KCNQ5: variants seen among roughly 807,000 people sequenced by gnomAD.
KCNQ5 encodes potassium voltage-gated channel subfamily KQT member 5.
KCNQ5 carries 30 observed loss-of-function variants against 98.2 expected under a neutral mutation model. The ratio of observed to expected loss-of-function variants is 0.31; its 90% CI spans 0.23 to 0.41. The LOEUF is 0.41. Ranked by LOEUF, KCNQ5 falls within the 10% of genes least tolerant of loss-of-function variation. The pLI is 1.00. For synonymous variants in KCNQ5, 458 were observed against 449.4 expected (o/e 1.02, Z -0.24); for missense variants, 835 against 1,182.5 (o/e 0.71, Z 4.31).
At chr6:72,845,531 A>T (rs990993990) in intron 1 of KCNQ5, among the ~76,000 whole-genome samples, 21 of 152,222 alleles carry the variant, frequency 1.4e-4, no homozygotes, top group African/African-American at 4.8e-4. Context: ...TGATTATTAT[A>T]TTTTAAACAC....
chr6:72,703,910 GAA>G (rs780563907), intron 1 of KCNQ5, among the ~76,000 whole-genome samples: 30 of 152,120 alleles, frequency 2.0e-4, no homozygotes, highest in Non-Finnish European at 4.0e-4. Flanking sequence ...TTTAGAAAGG[GAA>G]AATTCATTAA....
chr6:73,174,569 T>G (rs1582487700), intron 11 of KCNQ5, among the ~76,000 whole-genome samples: 1 of 152,152 alleles, frequency 6.6e-6, no homozygotes, highest in African/African-American at 2.4e-5. Context: ...GGGTGAAAAC[T>G]CAAAGAAGTC....
intron 1 of KCNQ5, among the ~76,000 whole-genome samples, chr6:72,772,818 A>T (rs1438952604): frequency 1.9e-4 from 29 of 152,194 alleles, no homozygotes; most frequent in Admixed American, 1.8e-3. Flanking sequence ...ACTTGCAAAC[A>T]TTGAGAAATG....
chr6:72,769,111 G>C (rs977221217), intron 1 of KCNQ5, among the ~76,000 whole-genome samples: 1 of 152,052 alleles, frequency 6.6e-6, no homozygotes, highest in Non-Finnish European at 1.5e-5. Flanking sequence ...GCAATGATCA[G>C]AAAAGGATAA....
Position 72,965,545 on chromosome 6 carries a change from G to A in KCNQ5, c.399-38363G>A, listed in dbSNP as rs368868048. 8.7e-4 allele frequency among the ~76,000 whole-genome samples: 133 copies of A among 152,014 alleles called. 3 individuals carry two copies. The South Asian group carries it at 0.022, about 25-fold the overall frequency. ...GAAGCCATTTTCTCAACATTTCATC[G>A]TGAACTATTATGGCCTCATCGGGAA... On this transcript the variant is annotated intron_variant, in intron 1 of 13. Transcript: ENST00000370398.
intron 1 of KCNQ5, among the ~76,000 whole-genome samples, chr6:72,872,355 G>A (rs547728158): frequency 5.3e-5 from 8 of 152,228 alleles, no homozygotes; most frequent in African/African-American, 1.9e-4. Flanking sequence ...AGCATAAGGA[G>A]GTCTACTCTG....
At chr6:72,881,442 A>G (rs149901467) in intron 1 of KCNQ5, among the ~76,000 whole-genome samples, 43 of 152,326 alleles carry the variant, frequency 2.8e-4, no homozygotes, top group Non-Finnish European at 5.0e-4. Context: ...TAAAACAGAT[A>G]GAAACCCATG....
intron 2 of KCNQ5, among the ~76,000 whole-genome samples, chr6:73,030,302 A>C (rs898489407): frequency 5.9e-5 from 9 of 152,214 alleles, no homozygotes; most frequent in African/African-American, 2.2e-4. Context: ...TTCTGTTAAC[A>C]GGGCCTCCTG....
intron 3 of KCNQ5, among the ~76,000 whole-genome samples, chr6:73,049,628 T>C (rs528168597): frequency 6.6e-6 from 1 of 152,324 alleles, no homozygotes; most frequent in South Asian, 2.1e-4. Flanking sequence ...AATGAATTTC[T>C]TAACAGATCA....
intron 1 of KCNQ5, among the ~76,000 whole-genome samples, chr6:72,959,993 T>C (rs186595275): frequency 6.6e-6 from 1 of 152,358 alleles, no homozygotes; most frequent in African/African-American, 2.4e-5. Flanking sequence ...TGCCAAGCTG[T>C]AGGCCAGAAG....
chr6:72,656,799 G>T (rs12204139), intron 1 of KCNQ5, among the ~76,000 whole-genome samples: 1 of 151,986 alleles, frequency 6.6e-6, no homozygotes, highest in African/African-American at 2.4e-5. Context: ...CTTTTGGCCT[G>T]GAACTAATCA....
chr6:72,626,589 A>G (rs373624675), intron 1 of KCNQ5, among the ~76,000 whole-genome samples: 2 of 152,224 alleles, frequency 1.3e-5, no homozygotes, highest in African/African-American at 2.4e-5. Context: ...TAAATTTTGG[A>G]AAGATCTGCC....
intron 5 of KCNQ5, among the ~76,000 whole-genome samples, chr6:73,079,674 A>G (rs763595893): frequency 3.3e-5 from 5 of 152,248 alleles, no homozygotes; most frequent in African/African-American, 9.6e-5. Context: ...CGTTGGTTTA[A>G]TAATGTGGTT....
intron 9 of KCNQ5, 167 bp downstream of exon 9, chr6:73,124,679 T>G (rs1222087559): frequency 1.5e-6 from 1 of 671,042 alleles, no homozygotes; most frequent in Non-Finnish European, 2.6e-6. Flanking sequence ...ATTTCGCCCC[T>G]TAGTATCAAA....
intron 1 of KCNQ5, among the ~76,000 whole-genome samples, chr6:72,641,648 TCTCC>T (rs1346830656): frequency 6.6e-6 from 1 of 152,112 alleles, no homozygotes; most frequent in Non-Finnish European, 1.5e-5. Flanking sequence ...TGAATTTGGT[TCTCC>T]CTCCTCATAT....
At chr6:72,920,300 G>T (rs9351955) in intron 1 of KCNQ5, among the ~76,000 whole-genome samples, 39,856 of 152,000 alleles carry the variant, frequency 0.26, 5,502 homozygotes, top group Admixed American at 0.3. Context: ...TCAAAAAAAG[G>T]GGGGAGGGGG....
At chr6:72,713,650 G>T (rs1052990421) in intron 1 of KCNQ5, among the ~76,000 whole-genome samples, 4 of 152,112 alleles carry the variant, frequency 2.6e-5, no homozygotes, top group African/African-American at 9.7e-5. Flanking sequence ...ACCAACAAGA[G>T]AACATCAGTT....
chr6:73,059,835 A>G (rs1772700770), intron 3 of KCNQ5, among the ~76,000 whole-genome samples: 1 of 152,192 alleles, frequency 6.6e-6, no homozygotes, highest in African/African-American at 2.4e-5. Context: ...GTTTACATAG[A>G]TGAAGTATAA....
At chr6:73,163,254 C>T (rs914559320) in intron 10 of KCNQ5, among the ~76,000 whole-genome samples, 1 of 109,710 alleles carries the variant, frequency 9.1e-6, no homozygotes, top group Non-Finnish European at 1.9e-5. Context: ...AAAAACTAGC[C>T]AGACATGGTG....
Sources: allele counts gnomAD v4.1 joint callset (sites outside exome capture counted in the v4.1 genomes callset), GRCh38; gene constraint gnomAD v4.1.1; transcripts MANE v1.5; gene names NCBI Gene and HGNC (gene_info 2026-07-23, HGNC 2026-07-21).